DYNC1I1: variants seen among roughly 807,000 people sequenced by gnomAD.
DYNC1I1 encodes the protein dynein cytoplasmic 1 intermediate chain 1.
In DYNC1I1, 43 loss-of-function variants were observed where a neutral mutation model predicts 86.6. The ratio of observed to expected loss-of-function variants is 0.50; its 90% CI spans 0.39 to 0.64. DYNC1I1 has a LOEUF of 0.64. Ranked by LOEUF, DYNC1I1 falls within the 30% of genes least tolerant of loss-of-function variation. The pLI is 0.00. For synonymous variants in DYNC1I1, 262 were observed against 283.7 expected (o/e 0.92, Z 0.77); for missense variants, 604 against 788.8 (o/e 0.77, Z 2.81).
At chr7:95,975,848 G>A (rs1196508898) in intron 6 of DYNC1I1, among the ~76,000 whole-genome samples, 1 of 152,148 alleles carries the variant, frequency 6.6e-6, no homozygotes, top group Non-Finnish European at 1.5e-5. Flanking sequence ...AAGGATTACT[G>A]AAAGAGGAAA....
chr7:96,052,749 G>A (rs530116479), intron 14 of DYNC1I1, among the ~76,000 whole-genome samples: 2 of 152,254 alleles, frequency 1.3e-5, no homozygotes. Flanking sequence ...CAGCTCTCGG[G>A]ACAAAATGGG....
chr7:95,804,599 A>T (rs1489035927), intron 1 of DYNC1I1, 122 bp from the exon 2 acceptor site: 1 of 1,125,464 alleles, frequency 8.9e-7, no homozygotes, highest in Admixed American at 3.0e-5. Context: ...AAATAATACA[A>T]CCTCTTGTTG....
chr7:96,080,257 A>G, intron 15 of DYNC1I1, 106 bp from the exon 16 acceptor site: 1 of 1,407,984 alleles, frequency 7.1e-7, no homozygotes, highest in Non-Finnish European at 9.4e-7. Flanking sequence ...TACTTAATGC[A>G]CATGAAGGCA....
intron 5 of DYNC1I1, among the ~76,000 whole-genome samples, chr7:95,856,349 C>A (rs1050422341): frequency 1.3e-5 from 2 of 152,202 alleles, no homozygotes; most frequent in African/African-American, 4.8e-5. Flanking sequence ...TGGAATACCT[C>A]CTGAAGGACC....
intron 16 of DYNC1I1, among the ~76,000 whole-genome samples, chr7:96,093,531 A>T (rs1445545030): frequency 6.6e-6 from 1 of 152,178 alleles, no homozygotes; most frequent in Non-Finnish European, 1.5e-5. Flanking sequence ...TATCTCAGGA[A>T]TCTGAGCCTC....
Position 96,016,323 on chromosome 7 carries a change from G to A in DYNC1I1, c.970-11852G>A, listed in dbSNP as rs1378628247. On this transcript the variant is annotated intron_variant, in intron 10 of 16. Transcript: ENST00000447467. The stretch of plus-strand genomic sequence containing the variant: ...TTAGGTTTTTTTTTTTTTTTTTAAT[G>A]GTCTCTCTATAATTTCTGACCTAAG... Among the ~76,000 whole-genome samples, 7 of 145,822 alleles carry A rather than the reference G, an allele frequency of 4.8e-5. No individual in the cohort carries two copies. The South Asian group carries it at 1.5e-3, about 32-fold the overall frequency.
At chr7:96,008,034 C>G (rs1256429008) in intron 10 of DYNC1I1, among the ~76,000 whole-genome samples, 5 of 152,184 alleles carry the variant, frequency 3.3e-5, no homozygotes, top group Non-Finnish European at 5.9e-5. Flanking sequence ...CTTGGGAATG[C>G]TCTGCTCTTG....
chr7:96,026,804 T>C (rs1274081552), intron 10 of DYNC1I1, among the ~76,000 whole-genome samples: 1 of 152,114 alleles, frequency 6.6e-6, no homozygotes, highest in Non-Finnish European at 1.5e-5. Context: ...TCCAACCATC[T>C]CACCATTTCC....
At chr7:95,973,545 C>T (rs1040134216) in intron 6 of DYNC1I1, among the ~76,000 whole-genome samples, 2 of 151,926 alleles carry the variant, frequency 1.3e-5, no homozygotes, top group African/African-American at 2.4e-5. Flanking sequence ...TTTTTTAGAC[C>T]GATCAAAAAC....
At chr7:96,025,328 CAT>C (rs148121207) in intron 10 of DYNC1I1, among the ~76,000 whole-genome samples, 2,810 of 151,698 alleles carry the variant, frequency 0.019, 49 homozygotes, top group Admixed American at 0.046. Flanking sequence ...TCATGTAATA[CAT>C]ATATGTCATG....
chr7:95,793,416 C>A (rs2706891), intron 1 of DYNC1I1, among the ~76,000 whole-genome samples: 2,792 of 151,958 alleles, frequency 0.018, 88 homozygotes, highest in African/African-American at 0.064. Flanking sequence ...CCAAAGACAG[C>A]AGCATGAGGC....
chr7:95,944,600 A>G (rs1381237856), intron 6 of DYNC1I1, among the ~76,000 whole-genome samples: 1 of 152,152 alleles, frequency 6.6e-6, no homozygotes, highest in Non-Finnish European at 1.5e-5. Context: ...CACTATTCAG[A>G]ATAGCAAAGA....
chr7:95,934,060 C>T (rs1229479025), intron 6 of DYNC1I1, among the ~76,000 whole-genome samples: 5 of 151,990 alleles, frequency 3.3e-5, no homozygotes, highest in Admixed American at 1.3e-4. Context: ...GCAATAATTG[C>T]CTGGTGGTCT....
chr7:95,970,456 G>T (rs557198454), intron 6 of DYNC1I1, among the ~76,000 whole-genome samples: 32 of 152,196 alleles, frequency 2.1e-4, no homozygotes, highest in Non-Finnish European at 4.1e-4. Context: ...TCCCCAGAGA[G>T]ATATATCCGA....
chr7:96,011,098 A>T (rs1251058675), intron 10 of DYNC1I1, among the ~76,000 whole-genome samples: 1 of 152,150 alleles, frequency 6.6e-6, no homozygotes, highest in African/African-American at 2.4e-5. Context: ...TCAACACTGT[A>T]TTTGACCTGA....
At chr7:95,797,354 T>C (rs1794466930) in intron 1 of DYNC1I1, among the ~76,000 whole-genome samples, 1 of 152,230 alleles carries the variant, frequency 6.6e-6, no homozygotes, top group African/African-American at 2.4e-5. Context: ...TGACAATATT[T>C]GTTGCTAATG....
At chr7:95,890,548 C>G (rs184308662) in intron 6 of DYNC1I1, among the ~76,000 whole-genome samples, 1 of 151,508 alleles carries the variant, frequency 6.6e-6, no homozygotes, top group Non-Finnish European at 1.5e-5. Flanking sequence ...ACAAATTTAC[C>G]CATATAAAAA....
At chr7:95,787,661 C>T (rs192605915) in intron 1 of DYNC1I1, among the ~76,000 whole-genome samples, 34 of 152,196 alleles carry the variant, frequency 2.2e-4, no homozygotes, top group African/African-American at 7.7e-4. Flanking sequence ...TAAGTATTGC[C>T]AATACATCGG....
At chr7:96,005,589 T>C (rs1483065832) in intron 10 of DYNC1I1, among the ~76,000 whole-genome samples, 2 of 152,162 alleles carry the variant, frequency 1.3e-5, no homozygotes, top group Non-Finnish European at 2.9e-5. Flanking sequence ...TCCCATCCTC[T>C]GATCCCACAG....
Sources: allele counts gnomAD v4.1 joint callset (sites outside exome capture counted in the v4.1 genomes callset), GRCh38; gene constraint gnomAD v4.1.1; transcripts MANE v1.5; gene names NCBI Gene and HGNC (gene_info 2026-07-23, HGNC 2026-07-21).